PASK: variants seen among roughly 807,000 people sequenced by gnomAD.
PASK encodes PAS domain-containing serine/threonine-protein kinase.
In PASK, 110 loss-of-function variants were observed where a neutral mutation model predicts 121.0. The observed-to-expected ratio is 0.91, with a 90% CI of 0.78 to 1.06. The LOEUF is 1.06. PASK is among the 50% of genes least tolerant of loss of function. The probability of loss-of-function intolerance (pLI) is 0.00; values close to 1 mark genes in which losing one functional copy is unlikely to be tolerated. For synonymous variants in PASK, 686 were observed against 717.8 expected, an observed-to-expected ratio of 0.96 and a Z score of 0.71; for missense variants, 1,643 against 1,702.3, an observed-to-expected ratio of 0.97 and a Z score of 0.61.
chr2:241,136,587 C>T (rs2066446511), intron 7 of PASK, among the ~76,000 whole-genome samples: 1 of 152,260 alleles, frequency 6.6e-6, no homozygotes, highest in Non-Finnish European at 1.5e-5. Context: ...GGTCTCAATG[C>T]CCTCAGCTCC....
At position 241,127,536 on chromosome 2, in the gene PASK, A is replaced by G. The variant is rs981159127; in HGVS notation, c.1464-85T>C. On this transcript the variant is annotated intron_variant, in intron 9 of 17. Coordinates refer to ENST00000234040, the MANE Select transcript of PASK (RefSeq NM_015148.4). ...TTGCACCGATTCTCCATTAGAACTA[A>G]GTACAAAGCATTTAATGCCACCAAT... 7.9e-6 allele frequency: 9 copies of G among 1,133,006 alleles called. No homozygotes were observed. The African/African-American group carries it at 1.4e-4, about 17-fold the overall frequency. 70.2% of individuals were successfully genotyped at this position (1,133,006 alleles called of 1,614,324 possible).
intron 15 of PASK, among the ~76,000 whole-genome samples, chr2:241,110,269 T>C (rs747463018): frequency 3.2e-4 from 48 of 152,020 alleles, no homozygotes; most frequent in Non-Finnish European, 6.0e-4. Flanking sequence ...ATAGAGAAAA[T>C]AGCAGAATGG....
chr2:241,106,424 T>C lies in PASK; in HGVS notation c.*142A>G. The C allele has an allele frequency of 1.2e-6, 1 of 828,620 alleles. No homozygotes were observed. Among genetic ancestry groups the C allele is most frequent in the Non-Finnish European group, 2.1e-6 (1 of 476,658 alleles). 51.3% of individuals were successfully genotyped at this position (828,620 alleles called of 1,614,324 possible). A position where few individuals can be genotyped will look rare whatever the true frequency, so the allele number is the denominator to read the frequency against. ...AATAATACAGCATCACTGTCTTCTG[T>C]TCTGGTGTTTATCAAACCTGCACAT... is the stretch of plus-strand genomic sequence containing the variant. On this transcript the variant is annotated 3_prime_UTR_variant, in exon 18 of 18. Transcript: ENST00000234040.
chr2:241,130,242 T>C (rs2066064182), intron 9 of PASK, among the ~76,000 whole-genome samples: 1 of 152,222 alleles, frequency 6.6e-6, no homozygotes, highest in African/African-American at 2.4e-5. Flanking sequence ...GGGGAATGAA[T>C]GGATAAATCT....
chr2:241,146,333 C>T (rs966776304), intron 1 of PASK, among the ~76,000 whole-genome samples: 3 of 152,142 alleles, frequency 2.0e-5, no homozygotes, highest in African/African-American at 7.2e-5. Context: ...ATGGATACAG[C>T]ACTTTTCACT....
chr2:241,126,190 A>T lies in PASK; in HGVS notation c.2719+6T>A, dbSNP rs1374409931. 3.7e-6 allele frequency: 6 copies of T among 1,613,518 alleles called. No homozygotes were observed. In the Admixed American group the frequency reaches 1.0e-4, roughly 27 times the overall value. ...CACACTTCTTCCTATGGGGCCCGGG[A>T]CATACTCAGCCGTAAGCCATCTCGA... On this transcript the variant is annotated splice_donor_region_variant and intron_variant, in intron 10 of 17. Transcript: ENST00000234040.
At position 241,112,216 on chromosome 2, in the gene PASK, G is replaced by A. The variant is rs1365787982; in HGVS notation, c.3533+24C>T. The A allele has an allele frequency of 6.3e-7, 1 of 1,585,978 alleles. No homozygotes were observed. Among genetic ancestry groups the A allele is most frequent in the African/African-American group, 1.3e-5 (1 of 74,324 alleles). On this transcript the variant is annotated intron_variant, in intron 15 of 17. Transcript: ENST00000234040. This position sits in a 1 kb window ranked among gnomAD's most constrained non-coding sequence, Gnocchi z 5.2. ...GTCCTGACAGAGGACACGAGGACGG[G>A]CCGCACCGCAGCCGCATACGTACGG...
At chr2:241,118,981 CA>C in intron 12 of PASK, 1 of 996,818 alleles carries the variant, frequency 1.0e-6, no homozygotes. Context: ...CCCCAGCCTC[CA>C]AGGGCTGTCA....
chr2:241,112,436 C>T lies in PASK; in HGVS notation c.3337G>A (p.Val1113Met), dbSNP rs745681548. The T allele has an allele frequency of 1.9e-6, 3 of 1,611,380 alleles. No homozygotes were observed. The highest frequency in any genetic ancestry group is 1.7e-6 in the Non-Finnish European group (2 of 1,178,068). The change falls in exon 15 of 18, where the codon GTG (valine) becomes ATG (methionine). Residue 1113 changes from valine to methionine, a missense_variant. Physicochemically the swap from Val to Met is conservative, Grantham distance 21. Coordinates refer to ENST00000234040, the MANE Select transcript of PASK (RefSeq NM_015148.4). This position sits in a 1 kb window ranked among gnomAD's most constrained non-coding sequence, Gnocchi z 5.2. ...PLASYIFRQL[V>M]SAVGYLRLKD... ...AAGCGCAGGTATCCCACTGCTGACA[C>T]TAGCTGGAATCAGGAGGCCAGAGGG... is the stretch of plus-strand genomic sequence containing the variant.
chr2:241,136,151 CCT>C, intron 7 of PASK, 112 bp from the exon 8 acceptor site: 1 of 995,546 alleles, frequency 1.0e-6, no homozygotes, highest in Non-Finnish European at 1.6e-6. Context: ...GAGGGTTCAC[CCT>C]TAAGGTCAGG....
chr2:241,129,938 T>C (rs1428346071), intron 9 of PASK, among the ~76,000 whole-genome samples: 1 of 152,230 alleles, frequency 6.6e-6, no homozygotes, highest in Non-Finnish European at 1.5e-5. Flanking sequence ...GAGGACCTGA[T>C]GCCCAGTGTA....
At position 241,143,013 on chromosome 2, in the gene PASK, G is replaced by A. The variant is rs761714947; in HGVS notation, c.20C>T (p.Thr7Ile). MEDGGL[T>I]AFEEDQRCLS... The stretch of plus-strand genomic sequence containing the variant: ...GCATCTCTGGTCCTCTTCAAAGGCT[G>A]TTAAGCCCCCGTCCTCCATGGGAAG... Residue 7 changes from threonine to isoleucine, a missense_variant, in exon 2 of 18, where the codon ACA (threonine) becomes ATA (isoleucine). This residue lies in a region of PASK where 1,176 missense variants were observed against 1,162.2 expected (regional missense o/e 1.01). Coordinates refer to ENST00000234040, the MANE Select transcript of PASK (RefSeq NM_015148.4). The A allele has an allele frequency of 1.5e-5, 25 of 1,613,896 alleles. No homozygotes were observed. The highest frequency in any genetic ancestry group is 2.2e-5 in the East Asian group (1 of 44,880).
Position 241,135,881 on chromosome 2 carries a change from CT to C in PASK, c.1295del (p.Glu432GlyfsTer26). ...AAGAGGACGTCTTACCCTGGCCCCC[CT>C]CAGCTGGGTCCTGGCCCTGCCACGG... is the stretch of plus-strand genomic sequence containing the variant. Reference protein sequence around the residue: ...LDPWQGQDPAEGGQDPRINVV... With the variant: ...LDPWQGQDPAXGGQDPRINVV... On this transcript the variant is annotated frameshift_variant, in exon 8 of 18. Transcript: ENST00000234040. LOFTEE classifies it high-confidence loss of function. The C allele has an allele frequency of 6.2e-7, 1 of 1,614,118 alleles. No homozygotes were observed. The highest frequency in any genetic ancestry group is 8.5e-7 in the Non-Finnish European group (1 of 1,179,966).
rs751324995 is a variant in PASK, at chr2:241,127,466, A to G, written c.1464-15T>C. 5 of 1,604,388 alleles carry G rather than the reference A, an allele frequency of 3.1e-6. No homozygotes were observed. Among genetic ancestry groups the G allele is most frequent in the Non-Finnish European group, 2.6e-6 (3 of 1,171,246 alleles). On this transcript the variant is annotated splice_polypyrimidine_tract_variant and intron_variant, in intron 9 of 17. Transcript: ENST00000234040. ...CATTGTCCACCCTGGGGATAATGAC[A>G]TGGGTGACCATCATGTAGGGCCACA...
At position 241,114,112 on chromosome 2, in the gene PASK, C is replaced by T. The variant is rs114817375; in HGVS notation, c.3333+931G>A. The T allele has an allele frequency of 2.4e-4, 237 of 985,262 alleles. No individual in the cohort carries two copies. The African/African-American group carries it at 3.6e-3, about 15-fold the overall frequency. The allele number at this position is 985,262 out of a possible 1,614,324, so 61.0% of individuals were successfully genotyped here. ...TAACCTCATACAGATACTCTGTTTG[C>T]TGTAAAAAGTTTCAGAAACAAGTGT... is the stretch of plus-strand genomic sequence containing the variant. On this transcript the variant is annotated intron_variant, in intron 14 of 17. Transcript: ENST00000234040.
At position 241,135,900 on chromosome 2, in the gene PASK, T is replaced by C. The variant is rs35187712; in HGVS notation, c.1277A>G (p.Gln426Arg). ...GCCCCCCTCAGCTGGGTCCTGGCCC[T>C]GCCACGGGTCCAAGGTTCTCTCCCC... ...GCGERTLDPW[Q>R]GQDPAEGGQD... is the part of the protein sequence containing the mutation. The change falls in exon 8 of 18, where the codon CAG (glutamine) becomes CGG (arginine). Residue 426 changes from glutamine (Q) to arginine (R), a missense_variant. Coordinates refer to ENST00000234040, the MANE Select transcript of PASK (RefSeq NM_015148.4). 480 of 1,614,084 alleles carry C rather than the reference T, an allele frequency of 3.0e-4. No individual in the cohort carries two copies. Among genetic ancestry groups the C allele is most frequent in the Non-Finnish European group, 3.8e-4 (443 of 1,180,034 alleles).
intron 2 of PASK, among the ~76,000 whole-genome samples, chr2:241,141,940 G>T (rs1001312320): frequency 6.6e-6 from 1 of 152,000 alleles, no homozygotes; most frequent in Non-Finnish European, 1.5e-5. Flanking sequence ...TGTACCTCCG[G>T]CTCCCACCCC....
At chr2:241,111,208 G>T (rs2065098140) in intron 15 of PASK, among the ~76,000 whole-genome samples, 1 of 152,234 alleles carries the variant, frequency 6.6e-6, no homozygotes, top group Admixed American at 6.5e-5. Flanking sequence ...CTGGCCTCAG[G>T]CCACCAGGTC....
intron 1 of PASK, among the ~76,000 whole-genome samples, chr2:241,144,159 T>C (rs567451633): frequency 5.3e-4 from 80 of 151,746 alleles, no homozygotes; most frequent in East Asian, 1.4e-3. Context: ...CGTGTGTGTG[T>C]GCGCGCATGT....
Sources: gnomAD v4.1 joint callset for allele counts (sites outside exome capture counted in the v4.1 genomes callset) on GRCh38, gnomAD v4.1.1 for gene constraint, gnomAD v4.1.1 regional missense constraint, Gnocchi (gnomAD v3.1) non-coding constraint, MANE v1.5 for transcripts, NCBI Gene and HGNC (gene_info 2026-07-23, HGNC 2026-07-21) for gene names.